FRAS1: variants seen among roughly 807,000 people sequenced by gnomAD.
The protein encoded by FRAS1 is Fraser extracellular matrix complex subunit 1.
A neutral mutation model predicts 435.2 loss-of-function variants in FRAS1; 290 were observed. The ratio of observed to expected loss-of-function variants is 0.67; its 90% CI spans 0.61 to 0.73. The LOEUF (loss-of-function observed/expected upper bound fraction) is 0.73. Ranked by LOEUF, FRAS1 falls within the 30% of genes least tolerant of loss-of-function variation. The pLI is 0.00. For synonymous variants in FRAS1, 1,800 were observed against 1,851.0 expected, an observed-to-expected ratio of 0.97 and a Z score of 0.71; for missense variants, 4,860 against 5,001.5, an observed-to-expected ratio of 0.97 and a Z score of 0.85.
chr4:78,267,175 C>T, intron 8 of FRAS1, 66 bp from the exon 9 acceptor site: 1 of 1,515,818 alleles, frequency 6.6e-7, no homozygotes, highest in Non-Finnish European at 9.0e-7. Context: ...GTCCTCCTGC[C>T]TCTGTTGGCT....
At chr4:78,140,699 ATATGCATATACGTG>A (rs1720134675) in intron 2 of FRAS1, among the ~76,000 whole-genome samples, 1 of 77,612 alleles carries the variant, frequency 1.3e-5, no homozygotes, top group Non-Finnish European at 2.5e-5. Context: ...ACATATGTGT[ATATGCATATACGTG>A]TGTGTATATG....
chr4:78,199,871 A>G (rs1216288795), intron 2 of FRAS1, among the ~76,000 whole-genome samples: 2 of 152,246 alleles, frequency 1.3e-5, no homozygotes, highest in Admixed American at 1.3e-4. Context: ...ATGGTGAGTC[A>G]GTACTCAGTA....
At chr4:78,125,182 C>T (rs536173788) in intron 2 of FRAS1, among the ~76,000 whole-genome samples, 14 of 152,190 alleles carry the variant, frequency 9.2e-5, no homozygotes, top group South Asian at 2.1e-4. Context: ...GATTTTGGTA[C>T]GTTGTGTCTT....
At chr4:78,479,314 GT>G (rs1330610734) in intron 55 of FRAS1, 59 bp from the exon 56 acceptor site, 1 of 1,184,350 alleles carries the variant, frequency 8.4e-7, no homozygotes, top group African/African-American at 1.5e-5. Context: ...CTTACCAGAG[GT>G]TTTAAAATCT....
chr4:78,159,349 A>G (rs1375850914), intron 2 of FRAS1, among the ~76,000 whole-genome samples: 1 of 152,168 alleles, frequency 6.6e-6, no homozygotes, highest in African/African-American at 2.4e-5. Context: ...AAGAGTGAGT[A>G]TTTCTGGAGT....
Position 78,065,963 on chromosome 4 carries a change from CTTGTT to C in FRAS1, c.77-14_77-10del. 1 of 1,595,122 alleles carries C rather than the reference CTTGTT, an allele frequency of 6.3e-7. No homozygotes were observed. The highest frequency in any genetic ancestry group is 8.6e-7 in the Non-Finnish European group (1 of 1,164,440). On this transcript the variant is annotated splice_polypyrimidine_tract_variant and intron_variant, in intron 1 of 73. Transcript: ENST00000512123. ...GGTTTATTATGCATCCCTTTTAATT[CTTGTT>C]TTGTTTTTCCCCACAGGTGCTTGTG...
intron 2 of FRAS1, among the ~76,000 whole-genome samples, chr4:78,186,583 T>G (rs1381777448): frequency 6.6e-6 from 1 of 152,140 alleles, no homozygotes; most frequent in African/African-American, 2.4e-5. Flanking sequence ...GTTTTTTTCA[T>G]GTAAAGCTTG....
chr4:78,502,052 C>T (rs777549434), intron 61 of FRAS1, among the ~76,000 whole-genome samples: 3 of 152,124 alleles, frequency 2.0e-5, no homozygotes, highest in Non-Finnish European at 2.9e-5. Flanking sequence ...ATTTCTGAGG[C>T]CTCTGTTCCG....
chr4:78,372,732 T>G lies in FRAS1; in HGVS notation c.2884T>G (p.Cys962Gly). The G allele has an allele frequency of 6.2e-7, 1 of 1,612,752 alleles. No homozygotes were observed. The highest frequency in any genetic ancestry group is 8.5e-7 in the Non-Finnish European group (1 of 1,179,788). The stretch of plus-strand genomic sequence containing the variant: ...TTTCTTTTTAGAGTGTGATTGGAGC[T>G]GCAGTGCATGCAGTGGGCCCCTGAA... ...TNTCKECDWS[C>G]SACSGPLKTD... The change falls in exon 24 of 74, where the codon TGC becomes GGC. Residue 962 changes from cysteine (C) to glycine (G), a missense_variant. Transcript: ENST00000512123.
chr4:78,098,002 G>T (rs148279445), intron 2 of FRAS1, among the ~76,000 whole-genome samples: 2 of 152,094 alleles, frequency 1.3e-5, no homozygotes, highest in East Asian at 1.9e-4. Context: ...CTTGGTCATG[G>T]ACTTCCAGCC....
chr4:78,478,418 G>A (rs570352628), intron 55 of FRAS1, among the ~76,000 whole-genome samples: 1 of 152,272 alleles, frequency 6.6e-6, no homozygotes, highest in South Asian at 2.1e-4. Context: ...AGTTCATAAG[G>A]ACTGGCTTTC....
At chr4:78,483,982 T>C (rs1224859367) in intron 58 of FRAS1, among the ~76,000 whole-genome samples, 1 of 151,678 alleles carries the variant, frequency 6.6e-6, no homozygotes, top group African/African-American at 2.4e-5. Flanking sequence ...AGTGATATGC[T>C]CACTACCACA....
At chr4:78,455,862 G>T (rs1175077074) in intron 47 of FRAS1, among the ~76,000 whole-genome samples, 3 of 152,186 alleles carry the variant, frequency 2.0e-5, no homozygotes, top group African/African-American at 7.2e-5. Flanking sequence ...AGAGTAAGGA[G>T]TTATATTAAC....
chr4:78,150,434 C>T (rs10014790), intron 2 of FRAS1, among the ~76,000 whole-genome samples: 7,643 of 152,230 alleles, frequency 0.05, 258 homozygotes, highest in Admixed American at 0.083. Flanking sequence ...GATTGGAAAA[C>T]AACAGTCTAG....
intron 7 of FRAS1, among the ~76,000 whole-genome samples, chr4:78,266,235 T>G (rs1416600457): frequency 6.6e-6 from 1 of 152,230 alleles, no homozygotes; most frequent in African/African-American, 2.4e-5. Context: ...CTTAACATGT[T>G]GGCATTTGCC....
chr4:78,175,123 A>G (rs2110042339), intron 2 of FRAS1, among the ~76,000 whole-genome samples: 1 of 152,330 alleles, frequency 6.6e-6, no homozygotes, highest in Admixed American at 6.5e-5. Context: ...CCATCCGGAC[A>G]CTGCCCATCA....
chr4:78,500,682 G>T (rs1720648205), intron 61 of FRAS1, among the ~76,000 whole-genome samples: 1 of 152,080 alleles, frequency 6.6e-6, no homozygotes, highest in African/African-American at 2.4e-5. Flanking sequence ...AAATCATGGG[G>T]GTTGAAGGGG....
At chr4:78,262,487 G>C (rs956434490) in intron 6 of FRAS1, among the ~76,000 whole-genome samples, 1 of 152,186 alleles carries the variant, frequency 6.6e-6, no homozygotes, top group Non-Finnish European at 1.5e-5. Context: ...GGGAAGAGAT[G>C]ATGGTTCTTA....
At chr4:78,170,884 T>G (rs536667851) in intron 2 of FRAS1, among the ~76,000 whole-genome samples, 1 of 152,186 alleles carries the variant, frequency 6.6e-6, no homozygotes, top group South Asian at 2.1e-4. Flanking sequence ...AATTCCTTTC[T>G]CAGGCCACCT....
Sources: allele counts gnomAD v4.1 joint callset (sites outside exome capture counted in the v4.1 genomes callset), GRCh38; gene constraint gnomAD v4.1.1; transcripts MANE v1.5; gene names NCBI Gene and HGNC (gene_info 2026-07-23, HGNC 2026-07-21).